AMBN: variants seen among roughly 807,000 people sequenced by gnomAD.
AMBN encodes the protein ameloblastin.
AMBN carries 54 observed loss-of-function variants against 48.0 expected under a neutral mutation model. The ratio of observed to expected loss-of-function variants is 1.12; its 90% CI spans 0.90 to 1.41. AMBN has a LOEUF of 1.41. AMBN is among the 40% of genes most tolerant of loss of function. The probability of loss-of-function intolerance (pLI) is 0.00; values close to 1 mark genes in which losing one functional copy is unlikely to be tolerated. For missense variants in AMBN, 571 were observed against 547.3 expected, an observed-to-expected ratio of 1.04 and a Z score of -0.43; for synonymous variants, 186 against 190.0, an observed-to-expected ratio of 0.98 and a Z score of 0.17.
Position 70,597,011 on chromosome 4 carries a change from C to T in AMBN, c.97C>T (p.Gln33Ter). ...MSFAVPFFPQ[Q>*]SGTPGMASLS... The stretch of plus-strand genomic sequence containing the variant: ...TATTTTCATTCAGTTCTTTCCTCAG[C>T]AATCTGGAACACCGGGTATGGCTAG... The change falls in exon 3 of 13, where the codon CAA becomes TAA. Residue 33 changes from glutamine (Q) to a stop codon, truncating the protein, a stop_gained. Transcript: ENST00000322937. LOFTEE classifies it high-confidence loss of function. 1 of 1,613,344 alleles carries T rather than the reference C, an allele frequency of 6.2e-7. No homozygotes were observed. Among genetic ancestry groups the T allele is most frequent in the Non-Finnish European group, 8.5e-7 (1 of 1,179,518 alleles).
intron 4 of AMBN, 23 bp from the exon 5 acceptor site, chr4:70,599,513 T>C: frequency 6.7e-7 from 1 of 1,493,472 alleles, no homozygotes; most frequent in South Asian, 1.2e-5. Context: ...TATAAGCATG[T>C]CTTTTTTTAT....
intron 2 of AMBN, among the ~76,000 whole-genome samples, chr4:70,595,848 C>CA (rs552473293): frequency 3.6e-4 from 55 of 151,744 alleles, no homozygotes; most frequent in Non-Finnish European, 7.4e-4. Flanking sequence ...ATATATTTAA[C>CA]AAAAAAACAA....
chr4:70,602,593 C>T, intron 6 of AMBN, 31 bp from the exon 7 acceptor site: 2 of 1,485,820 alleles, frequency 1.3e-6, no homozygotes, highest in Non-Finnish European at 1.8e-6. Context: ...TATTTTTTGA[C>T]TGATAATTTT....
chr4:70,592,900 T>C (rs1737304345), intron 1 of AMBN, among the ~76,000 whole-genome samples: 1 of 152,186 alleles, frequency 6.6e-6, no homozygotes, highest in South Asian at 2.1e-4. Context: ...AATGACTTAG[T>C]TGCATTACAT....
chr4:70,599,937 G>A (rs1737480890), intron 5 of AMBN, among the ~76,000 whole-genome samples: 1 of 152,122 alleles, frequency 6.6e-6, no homozygotes, highest in Non-Finnish European at 1.5e-5. Flanking sequence ...GCTACATCCT[G>A]GACAATTTTC....
Position 70,602,848 on chromosome 4 carries a change from T to A in AMBN, c.609+12T>A, listed in dbSNP as rs760501686. 1 of 1,585,516 alleles carries A rather than the reference T, an allele frequency of 6.3e-7. No individual in the cohort carries two copies. The highest frequency in any genetic ancestry group is 8.6e-7 in the Non-Finnish European group (1 of 1,163,272). On this transcript the variant is annotated intron_variant, in intron 8 of 12. Coordinates refer to ENST00000322937, the MANE Select transcript of AMBN (RefSeq NM_016519.6). ...CACAAGGTCCATCAGTAAGTACAGA[T>A]CTCAGTGAGACACTTCTATTTTTTA...
chr4:70,600,327 TAA>T (rs879503656), intron 5 of AMBN, among the ~76,000 whole-genome samples: 1 of 142,594 alleles, frequency 7.0e-6, no homozygotes, highest in Admixed American at 7.0e-5. Flanking sequence ...TTAAGAAATT[TAA>T]AAAAAAAAAA....
At chr4:70,603,193 C>A in intron 9 of AMBN, 67 bp from the exon 10 acceptor site, 1 of 1,496,932 alleles carries the variant, frequency 6.7e-7, no homozygotes, top group Non-Finnish European at 9.2e-7. Flanking sequence ...GTTTCATATA[C>A]CTCAAAAATT....
In AMBN at chr4:70,601,444, C is replaced by T. The variant is rs1397470013; in HGVS notation, c.321C>T (p.Pro107=). The part of the protein sequence containing the change: ...QQYEYSLPVH[P]PPLPSQPSLK... ...ATGAATATTCTTTGCCTGTGCATCCCCCACCTCTCCCATCACAGCCATCCT... is the reference window on the plus strand; with the variant it reads ...ATGAATATTCTTTGCCTGTGCATCCTCCACCTCTCCCATCACAGCCATCCT... Residue 107 remains proline (P), a synonymous_variant, in exon 6 of 13, where the codon CCC becomes CCT. Transcript: ENST00000322937. The T allele has an allele frequency of 3.1e-6, 5 of 1,613,992 alleles. No homozygotes were observed. Among genetic ancestry groups the T allele is most frequent in the African/African-American group, 2.7e-5 (2 of 74,922 alleles).
chr4:70,593,275 AT>A, intron 1 of AMBN, 51 bp from the exon 2 acceptor site: 1 of 1,464,354 alleles, frequency 6.8e-7, no homozygotes, highest in Non-Finnish European at 9.5e-7. Flanking sequence ...TCTTTTAACC[AT>A]TCTGAATAAA....
rs1380589951 is a variant in AMBN, at chr4:70,606,841, AG to A, written c.*112del. The A allele has an allele frequency of 1.9e-5, 22 of 1,164,566 alleles. No homozygotes were observed. Among genetic ancestry groups the A allele is most frequent in the Non-Finnish European group, 2.5e-5 (21 of 849,516 alleles). The allele number at this position is 1,164,566 out of a possible 1,614,324, so 72.1% of individuals were successfully genotyped here. A position where few individuals can be genotyped will look rare whatever the true frequency, so the allele number is the denominator to read the frequency against. On this transcript the variant is annotated 3_prime_UTR_variant, in exon 13 of 13. Coordinates refer to ENST00000322937, the MANE Select transcript of AMBN (RefSeq NM_016519.6). ...ACCCTTCTGCAGCAAAGGCATTAAAAGCGCTAAGCATATATTAATAAATGCA... is the reference window on the plus strand; with the variant it reads ...ACCCTTCTGCAGCAAAGGCATTAAAACGCTAAGCATATATTAATAAATGCA...
chr4:70,602,543 T>C, intron 6 of AMBN, 81 bp from the exon 7 acceptor site: 2 of 1,010,172 alleles, frequency 2.0e-6, no homozygotes, highest in Non-Finnish European at 2.9e-6. Flanking sequence ...GTTCACTTTG[T>C]CTATTTTTTT....
chr4:70,598,845 G>T (rs1028179665), intron 4 of AMBN, among the ~76,000 whole-genome samples: 1 of 151,666 alleles, frequency 6.6e-6, no homozygotes, highest in Non-Finnish European at 1.5e-5. Flanking sequence ...CATGATCTCG[G>T]CTCACTGCAA....
rs1441986848 is a variant in AMBN at position 70,592,256 on chromosome 4, G to A, written c.-103G>A. ...TAAAGGTTTCTAATCTTCCCTGAAT[G>A]AGAAGTACAGAGCAAGTCCCACGCA... is the stretch of plus-strand genomic sequence containing the variant. On this transcript the variant is annotated 5_prime_UTR_variant, in exon 1 of 13. Transcript: ENST00000322937. 6.8e-6 allele frequency: 7 copies of A among 1,031,108 alleles called. No homozygotes were observed. The highest frequency in any genetic ancestry group is 1.5e-5 in the South Asian group (1 of 64,966). The allele number at this position is 1,031,108 out of a possible 1,614,324, so 63.9% of individuals were successfully genotyped here. A position where few individuals can be genotyped will look rare whatever the true frequency, so the allele number is the denominator to read the frequency against.
At chr4:70,606,134 T>C (rs781391187) in intron 12 of AMBN, 51 bp from the exon 13 acceptor site, 2 of 1,594,238 alleles carry the variant, frequency 1.3e-6, no homozygotes, top group Non-Finnish European at 1.7e-6. Context: ...CTGCATGGTA[T>C]AGTTAATAGC....
chr4:70,598,241 T>G (rs1408254941), intron 3 of AMBN, 115 bp from the exon 4 acceptor site: 2 of 604,576 alleles, frequency 3.3e-6, no homozygotes, highest in Admixed American at 3.3e-5. Flanking sequence ...TACTTTCATT[T>G]TATTAAATTG....
chr4:70,599,435 A>G, intron 4 of AMBN, 101 bp from the exon 5 acceptor site: 1 of 869,266 alleles, frequency 1.2e-6, no homozygotes, highest in Non-Finnish European at 1.7e-6. Context: ...GCAAGATTCC[A>G]TCTCAAAAAA....
At chr4:70,599,891 A>C (rs1737479727) in intron 5 of AMBN, among the ~76,000 whole-genome samples, 1 of 152,242 alleles carries the variant, frequency 6.6e-6, no homozygotes, top group Non-Finnish European at 1.5e-5. Flanking sequence ...ACCTATATTA[A>C]AGATATCAGT....
intron 3 of AMBN, among the ~76,000 whole-genome samples, chr4:70,597,437 G>A (rs1206086290): frequency 1.3e-5 from 2 of 151,704 alleles, no homozygotes; most frequent in Admixed American, 6.6e-5. Context: ...TTTTGTACCT[G>A]TACAAAATTT....
Sources: gnomAD v4.1 joint callset for allele counts (sites outside exome capture counted in the v4.1 genomes callset) on GRCh38, gnomAD v4.1.1 for gene constraint, MANE v1.5 for transcripts, NCBI Gene and HGNC (gene_info 2026-07-23, HGNC 2026-07-21) for gene names.